The following FMO1 variants were observed in gnomAD, a reference collection of about 807,000 sequenced individuals.
FMO1 encodes the protein flavin-containing monooxygenase 1.
FMO1 carries 36 observed loss-of-function variants against 45.4 expected under a neutral mutation model. The ratio of observed to expected loss-of-function variants is 0.79; its 90% CI spans 0.61 to 1.05. FMO1 has a LOEUF of 1.05. FMO1 is among the 50% of genes least tolerant of loss of function. FMO1 has a pLI of 0.00. For synonymous variants in FMO1, 228 were observed against 227.2 expected (o/e 1.00, Z -0.03); for missense variants, 615 against 640.3 (o/e 0.96, Z 0.43).
intron 2 of FMO1, among the ~76,000 whole-genome samples, chr1:171,258,767 C>CT (rs932845552): frequency 1.2e-4 from 18 of 151,924 alleles, no homozygotes; most frequent in African/African-American, 7.3e-5. Context: ...AGTTTTGAGT[C>CT]TTTTTTTTAT....
At chr1:171,256,640 A>C (rs1282109955) in intron 1 of FMO1, among the ~76,000 whole-genome samples, 1 of 152,114 alleles carries the variant, frequency 6.6e-6, no homozygotes. Flanking sequence ...TGCTTGAAAA[A>C]AGAGGACCTT....
intron 2 of FMO1, among the ~76,000 whole-genome samples, chr1:171,260,981 G>A (rs1660358396): frequency 6.7e-6 from 1 of 148,838 alleles, no homozygotes; most frequent in South Asian, 2.1e-4. Context: ...ATTAGTAAGA[G>A]GAATATCAAG....
chr1:171,259,980 C>A (rs909006819), intron 2 of FMO1, among the ~76,000 whole-genome samples: 3 of 152,114 alleles, frequency 2.0e-5, no homozygotes, highest in African/African-American at 7.2e-5. Flanking sequence ...AGGATGACAG[C>A]CACATTTAGG....
rs1660236764 is a variant in FMO1 at position 171,258,080 on chromosome 1, A to G, written c.-6-2A>G. ...AAAGCCTGCTTCATCTTCCTCATGC[A>G]GGAGAACATGGCCAAGCGAGTTGCC... On this transcript the variant is annotated splice_acceptor_variant, in intron 1 of 8. Coordinates refer to ENST00000617670, the MANE Select transcript of FMO1 (RefSeq NM_001282693.2). LOFTEE classifies it low-confidence loss of function (5UTR_SPLICE). 6.2e-7 allele frequency: 1 copy of G among 1,614,084 alleles called. No homozygotes were observed. Among genetic ancestry groups the G allele is most frequent in the East Asian group, 2.2e-5 (1 of 44,864 alleles).
At chr1:171,269,325 T>C (rs1171890273) in intron 3 of FMO1, among the ~76,000 whole-genome samples, 1 of 152,166 alleles carries the variant, frequency 6.6e-6, no homozygotes. Flanking sequence ...TAGAGACTTG[T>C]TGAATGGCTT....
At chr1:171,251,956 T>C (rs770207249) in intron 1 of FMO1, among the ~76,000 whole-genome samples, 1 of 152,094 alleles carries the variant, frequency 6.6e-6, no homozygotes, top group Non-Finnish European at 1.5e-5. Context: ...TTTAATGTTT[T>C]TGCATTTGCA....
chr1:171,259,154 G>C (rs913452902), intron 2 of FMO1, among the ~76,000 whole-genome samples: 1 of 152,240 alleles, frequency 6.6e-6, no homozygotes, highest in African/African-American at 2.4e-5. Context: ...GAGGGGCTGA[G>C]AGAAAGACAC....
chr1:171,254,504 G>A (rs1461218586), intron 1 of FMO1, among the ~76,000 whole-genome samples: 1 of 152,144 alleles, frequency 6.6e-6, no homozygotes, highest in African/African-American at 2.4e-5. Flanking sequence ...CAAGTGTGTT[G>A]TTAGGAGCTA....
intron 3 of FMO1, among the ~76,000 whole-genome samples, chr1:171,274,275 T>C (rs1661006448): frequency 6.6e-6 from 1 of 151,988 alleles, no homozygotes; most frequent in African/African-American, 2.4e-5. Context: ...GCTTTTTTTT[T>C]TTTGAGACAA....
At chr1:171,278,000 T>C (rs1309489044) in intron 4 of FMO1, among the ~76,000 whole-genome samples, 1 of 152,208 alleles carries the variant, frequency 6.6e-6, no homozygotes, top group Non-Finnish European at 1.5e-5. Flanking sequence ...GTTATTGCTG[T>C]TAAAAAAGAA....
intron 3 of FMO1, among the ~76,000 whole-genome samples, chr1:171,272,834 GC>G (rs751763304): frequency 1.3e-5 from 2 of 152,196 alleles, no homozygotes; most frequent in Non-Finnish European, 2.9e-5. Context: ...GAAGGGACTT[GC>G]CATGTCTCAG....
chr1:171,267,475 G>A (rs1215406865), intron 2 of FMO1, 68 bp from the exon 3 acceptor site: 118 of 1,125,850 alleles, frequency 1.0e-4, no homozygotes, highest in Admixed American at 1.9e-4. Context: ...CATCTGGACC[G>A]GTGAGTTCTT....
At chr1:171,264,553 A>G (rs1031046038) in intron 2 of FMO1, among the ~76,000 whole-genome samples, 11 of 151,998 alleles carry the variant, frequency 7.2e-5, no homozygotes, top group African/African-American at 2.4e-4. Context: ...CACTCAAAAT[A>G]TGGTCCATGG....
chr1:171,253,704 T>A (rs1174125661), intron 1 of FMO1, among the ~76,000 whole-genome samples: 10 of 151,846 alleles, frequency 6.6e-5, no homozygotes, highest in Admixed American at 5.2e-4. Context: ...GAGGTTGCAG[T>A]GAGCCGAGAT....
chr1:171,273,837 T>G (rs1254023071), intron 3 of FMO1, among the ~76,000 whole-genome samples: 1 of 152,282 alleles, frequency 6.6e-6, no homozygotes, highest in South Asian at 2.1e-4. Flanking sequence ...TTTAGAACAA[T>G]TTTTAAAAAG....
At chr1:171,271,588 T>A (rs1475855745) in intron 3 of FMO1, 3 of 785,186 alleles carry the variant, frequency 3.8e-6, no homozygotes, top group Non-Finnish European at 6.8e-6. Context: ...CCTTTGCCAA[T>A]GTTTAGTTAT....
At chr1:171,257,252 G>T (rs1248807269) in intron 1 of FMO1, among the ~76,000 whole-genome samples, 2 of 152,032 alleles carry the variant, frequency 1.3e-5, no homozygotes, top group Non-Finnish European at 2.9e-5. Flanking sequence ...GAGCCTGGTT[G>T]CTTAATCAAT....
intron 1 of FMO1, among the ~76,000 whole-genome samples, chr1:171,249,425 T>C (rs953173269): frequency 6.6e-6 from 1 of 152,100 alleles, no homozygotes; most frequent in Non-Finnish European, 1.5e-5. Context: ...TTGTTGTGGT[T>C]AGGAACATTT....
At chr1:171,250,061 T>G (rs897083008) in intron 1 of FMO1, among the ~76,000 whole-genome samples, 1 of 152,186 alleles carries the variant, frequency 6.6e-6, no homozygotes, top group Non-Finnish European at 1.5e-5. Flanking sequence ...GACAAAAACT[T>G]AATAACTATT....
Sources: allele counts gnomAD v4.1 joint callset (sites outside exome capture counted in the v4.1 genomes callset), GRCh38; gene constraint gnomAD v4.1.1; transcripts MANE v1.5; gene names NCBI Gene and HGNC (gene_info 2026-07-23, HGNC 2026-07-21).